The following KCND2 variants were observed in gnomAD, a reference collection of about 807,000 sequenced individuals.
KCND2 encodes A-type voltage-gated potassium channel KCND2.
In KCND2, 16 loss-of-function variants were observed where a neutral mutation model predicts 54.4. The ratio of observed to expected loss-of-function variants is 0.29; its 90% CI spans 0.20 to 0.45. KCND2 has a LOEUF of 0.45. Ranked by LOEUF, KCND2 falls within the 20% of genes least tolerant of loss-of-function variation. KCND2 has a pLI of 1.00. For synonymous variants in KCND2, 317 were observed against 310.7 expected, an observed-to-expected ratio of 1.02 and a Z score of -0.21; for missense variants, 486 against 824.2, an observed-to-expected ratio of 0.59 and a Z score of 5.02.
intron 1 of KCND2, among the ~76,000 whole-genome samples, chr7:120,415,536 C>T (rs759122288): frequency 1.2e-4 from 18 of 152,080 alleles, no homozygotes; most frequent in Non-Finnish European, 1.6e-4. Flanking sequence ...AATTTTTGTT[C>T]TGCTCCTACC....
chr7:120,551,102 C>T lies in KCND2; in HGVS notation c.1116-181801C>T, dbSNP rs555289763. On this transcript the variant is annotated intron_variant, in intron 1 of 5. Coordinates refer to ENST00000331113, the MANE Select transcript of KCND2 (RefSeq NM_012281.3). ...ATTCATTTAGAATTTTAAATAAATG[C>T]GCAGAGCTCTTTCTTTTTATACCAT... is the stretch of plus-strand genomic sequence containing the variant. 3.6e-4 allele frequency among the ~76,000 whole-genome samples: 55 copies of T among 152,202 alleles called. No homozygotes were observed. In the South Asian group the frequency reaches 5.6e-3, roughly 15 times the overall value.
chr7:120,452,403 C>T (rs1802126115), intron 1 of KCND2, among the ~76,000 whole-genome samples: 1 of 152,138 alleles, frequency 6.6e-6, no homozygotes, highest in Non-Finnish European at 1.5e-5. Flanking sequence ...CCATTTGGAA[C>T]ATGTGATGCT....
At chr7:120,284,470 C>G (rs1014525078) in intron 1 of KCND2, among the ~76,000 whole-genome samples, 1 of 152,032 alleles carries the variant, frequency 6.6e-6, no homozygotes, top group Non-Finnish European at 1.5e-5. Context: ...TAGATTGTAT[C>G]AAATGAGGTG....
intron 1 of KCND2, among the ~76,000 whole-genome samples, chr7:120,388,888 A>ATG (rs1476562737): frequency 3.5e-4 from 19 of 54,846 alleles, no homozygotes; most frequent in East Asian, 2.3e-3. Context: ...TTATATATAC[A>ATG]TGTATATATA....
At chr7:120,303,905 A>G (rs189139324) in intron 1 of KCND2, among the ~76,000 whole-genome samples, 2 of 152,322 alleles carry the variant, frequency 1.3e-5, no homozygotes, top group East Asian at 3.9e-4. Context: ...GTTAAATATC[A>G]TAACACATGT....
chr7:120,605,794 T>A (rs562576146), intron 1 of KCND2, among the ~76,000 whole-genome samples: 1 of 152,340 alleles, frequency 6.6e-6, no homozygotes, highest in East Asian at 1.9e-4. Flanking sequence ...ACTGTGGTTT[T>A]GATATTCATT....
chr7:120,664,349 A>T (rs560322603), intron 1 of KCND2, among the ~76,000 whole-genome samples: 2 of 152,212 alleles, frequency 1.3e-5, no homozygotes, highest in African/African-American at 4.8e-5. Flanking sequence ...AATTATACAT[A>T]TGCCTTAAAT....
intron 1 of KCND2, among the ~76,000 whole-genome samples, chr7:120,648,983 T>C (rs1791680483): frequency 6.6e-6 from 1 of 152,174 alleles, no homozygotes; most frequent in African/African-American, 2.4e-5. Context: ...AGTAAAGTAT[T>C]TGCATAGCAA....
chr7:120,523,984 C>T (rs985323864), intron 1 of KCND2, among the ~76,000 whole-genome samples: 2 of 151,750 alleles, frequency 1.3e-5, no homozygotes, highest in African/African-American at 4.8e-5. Context: ...GCCTGTAATC[C>T]CAGCACTTTG....
Position 120,273,409 on chromosome 7 carries a change from G to GGCCGCCCCGCAGCCCC in KCND2, c.-1205_-1190dup, listed in dbSNP as rs972260478. 2.1e-5 allele frequency among the ~76,000 whole-genome samples: 3 copies of GGCCGCCCCGCAGCCCC among 144,208 alleles called. No homozygotes were observed. Among genetic ancestry groups the GGCCGCCCCGCAGCCCC allele is most frequent in the Admixed American group, 6.9e-5 (1 of 14,560 alleles). 94.6% of individuals were successfully genotyped at this position (144,208 alleles called of 152,430 possible). A position where few individuals can be genotyped will look rare whatever the true frequency, so the allele number is the denominator to read the frequency against. On this transcript the variant is annotated 5_prime_UTR_variant, in exon 1 of 6. It removes the in-frame stop codon of an upstream open reading frame in the 5' UTR. Transcript: ENST00000331113. ...CCCACCGCGCCAACGCCGCCCGCCCGGCCGCCCCGCAGCCCCGCCGCCCCG... is the reference window on the plus strand; with the variant it reads ...CCCACCGCGCCAACGCCGCCCGCCCGGCCGCCCCGCAGCCCCGCCGCCCCGCAGCCCCGCCGCCCCG...
At chr7:120,489,352 TTAAA>T (rs1802742020) in intron 1 of KCND2, among the ~76,000 whole-genome samples, 1 of 151,934 alleles carries the variant, frequency 6.6e-6, no homozygotes, top group Non-Finnish European at 1.5e-5. Context: ...ATATACAAAT[TTAAA>T]AATTAATACA....
chr7:120,517,198 T>A (rs1803208583), intron 1 of KCND2, among the ~76,000 whole-genome samples: 1 of 152,112 alleles, frequency 6.6e-6, no homozygotes, highest in Non-Finnish European at 1.5e-5. Flanking sequence ...ATTTTATAGT[T>A]AGTGATTTTT....
chr7:120,500,649 C>CA (rs1310914059), intron 1 of KCND2, among the ~76,000 whole-genome samples: 1 of 151,870 alleles, frequency 6.6e-6, no homozygotes, highest in Non-Finnish European at 1.5e-5. Context: ...GCAACAATAA[C>CA]AACAGCAAAA....
chr7:120,652,307 T>C (rs565081627), intron 1 of KCND2, among the ~76,000 whole-genome samples: 1 of 152,094 alleles, frequency 6.6e-6, no homozygotes, highest in East Asian at 1.9e-4. Context: ...ATCTCCTGAA[T>C]TCGTGGTCCA....
chr7:120,603,986 C>T (rs1792847046), intron 1 of KCND2, among the ~76,000 whole-genome samples: 1 of 152,060 alleles, frequency 6.6e-6, no homozygotes, highest in Admixed American at 6.6e-5. Flanking sequence ...CTCTTGTTGC[C>T]TGTCTGTCCT....
intron 1 of KCND2, among the ~76,000 whole-genome samples, chr7:120,649,975 C>T (rs1422406463): frequency 2.6e-5 from 4 of 152,210 alleles, no homozygotes; most frequent in East Asian, 3.9e-4. Context: ...GAGTTTCTGC[C>T]GAGAGATCCG....
intron 1 of KCND2, among the ~76,000 whole-genome samples, chr7:120,512,669 C>G (rs529051002): frequency 1.3e-5 from 2 of 152,086 alleles, no homozygotes; most frequent in Non-Finnish European, 2.9e-5. Flanking sequence ...GTAGATGATA[C>G]TTGCATGTTA....
intron 1 of KCND2, among the ~76,000 whole-genome samples, chr7:120,402,895 G>C (rs1371637229): frequency 1.3e-5 from 2 of 152,128 alleles, no homozygotes; most frequent in Non-Finnish European, 2.9e-5. Flanking sequence ...TATTATTACT[G>C]TTGAGTGACA....
At chr7:120,528,028 T>C (rs1791798155) in intron 1 of KCND2, among the ~76,000 whole-genome samples, 1 of 152,168 alleles carries the variant, frequency 6.6e-6, no homozygotes, top group African/African-American at 2.4e-5. Context: ...ATTTTTGTTA[T>C]TGTACTATAC....
Sources: gnomAD v4.1 joint callset for allele counts (sites outside exome capture counted in the v4.1 genomes callset) on GRCh38, gnomAD v4.1.1 for gene constraint, MANE v1.5 for transcripts, NCBI Gene and HGNC (gene_info 2026-07-23, HGNC 2026-07-21) for gene names.